The following ZNF804B variants were observed in gnomAD, a reference collection of about 807,000 sequenced individuals.
ZNF804B encodes the protein zinc finger protein 804B.
ZNF804B carries 80 observed loss-of-function variants against 101.4 expected under a neutral mutation model. The observed-to-expected ratio is 0.79, with a 90% CI of 0.66 to 0.95. The LOEUF (loss-of-function observed/expected upper bound fraction) is 0.95. Among genes scored for constraint, ZNF804B ranks in the 40% least tolerant of loss-of-function variants. ZNF804B has a pLI of 0.00. For synonymous variants in ZNF804B, 622 were observed against 558.8 expected, an observed-to-expected ratio of 1.11 and a Z score of -1.59; for missense variants, 1,673 against 1,561.9, an observed-to-expected ratio of 1.07 and a Z score of -1.20.
At chr7:89,026,380 T>G (rs1788751720) in intron 1 of ZNF804B, among the ~76,000 whole-genome samples, 1 of 152,174 alleles carries the variant, frequency 6.6e-6, no homozygotes, top group African/African-American at 2.4e-5. Context: ...GGACACGGTT[T>G]TGCTAAAGCA....
chr7:89,321,579 A>T (rs1033203878), intron 2 of ZNF804B, among the ~76,000 whole-genome samples: 2 of 152,132 alleles, frequency 1.3e-5, no homozygotes, highest in African/African-American at 4.8e-5. Flanking sequence ...AATAGAAAAG[A>T]TAAAACAGAA....
intron 1 of ZNF804B, among the ~76,000 whole-genome samples, chr7:88,992,676 T>G (rs547831308): frequency 2.0e-5 from 3 of 152,286 alleles, no homozygotes; most frequent in African/African-American, 7.2e-5. Context: ...TTAGTAACTT[T>G]AAGTACATCT....
intron 2 of ZNF804B, among the ~76,000 whole-genome samples, chr7:89,276,583 T>G (rs1348196265): frequency 6.6e-6 from 1 of 151,936 alleles, no homozygotes; most frequent in Non-Finnish European, 1.5e-5. Context: ...AAATGCTATT[T>G]TATGCATGTT....
intron 1 of ZNF804B, among the ~76,000 whole-genome samples, chr7:88,931,113 C>T (rs10267374): frequency 0.17 from 26,186 of 151,722 alleles, 2,528 homozygotes; most frequent in South Asian, 0.24. Context: ...GTTTCATTGA[C>T]GTTCTTGCAA....
chr7:88,840,458 T>A (rs1013522599), intron 1 of ZNF804B, among the ~76,000 whole-genome samples: 1 of 152,142 alleles, frequency 6.6e-6, no homozygotes, highest in African/African-American at 2.4e-5. Context: ...AAGAATGCCA[T>A]GAATTTTATT....
intron 1 of ZNF804B, among the ~76,000 whole-genome samples, chr7:89,130,707 A>G (rs1290800112): frequency 1.3e-5 from 2 of 152,052 alleles, no homozygotes; most frequent in East Asian, 1.9e-4. Context: ...GAACATTTTT[A>G]ATAAGAATGA....
At chr7:88,859,144 A>G (rs1791613196) in intron 1 of ZNF804B, among the ~76,000 whole-genome samples, 1 of 152,012 alleles carries the variant, frequency 6.6e-6, no homozygotes, top group Admixed American at 6.6e-5. Flanking sequence ...AATCAAATGA[A>G]TAAGAATGAG....
At chr7:88,863,821 C>G (rs914255607) in intron 1 of ZNF804B, among the ~76,000 whole-genome samples, 4 of 152,140 alleles carry the variant, frequency 2.6e-5, no homozygotes, top group African/African-American at 9.7e-5. Flanking sequence ...GAGGCAGAAA[C>G]AAGCATGGCA....
chr7:89,286,147 G>T (rs1183817630), intron 2 of ZNF804B, among the ~76,000 whole-genome samples: 2 of 152,120 alleles, frequency 1.3e-5, no homozygotes, highest in Non-Finnish European at 2.9e-5. Flanking sequence ...AAGGTGTTGA[G>T]GTGGTCTGCT....
chr7:89,287,289 T>C (rs1264619413), intron 2 of ZNF804B, among the ~76,000 whole-genome samples: 1 of 152,122 alleles, frequency 6.6e-6, no homozygotes, highest in Non-Finnish European at 1.5e-5. Context: ...CATTTTTCCA[T>C]GGCCAACTAT....
At chr7:88,785,997 G>A (rs192453298) in intron 1 of ZNF804B, among the ~76,000 whole-genome samples, 1 of 152,046 alleles carries the variant, frequency 6.6e-6, no homozygotes, top group Non-Finnish European at 1.5e-5. Context: ...TATGTCTGGG[G>A]TGAAGGGAGA....
At chr7:88,819,772 G>A (rs56209314) in intron 1 of ZNF804B, among the ~76,000 whole-genome samples, 25,079 of 151,992 alleles carry the variant, frequency 0.17, 2,538 homozygotes, top group East Asian at 0.44. Flanking sequence ...CAGTTTCATT[G>A]TTTTCCAAAA....
chr7:88,980,484 G>A (rs1051742252), intron 1 of ZNF804B, among the ~76,000 whole-genome samples: 13 of 152,008 alleles, frequency 8.6e-5, no homozygotes, highest in Admixed American at 7.2e-4. Context: ...ATTAATTGTT[G>A]TGATCTAAGT....
intron 1 of ZNF804B, among the ~76,000 whole-genome samples, chr7:89,094,590 CA>C (rs1789943220): frequency 1.3e-5 from 2 of 152,038 alleles, no homozygotes; most frequent in Admixed American, 6.6e-5. Context: ...CGCTGAGATG[CA>C]GTAGTTTTCC....
chr7:89,078,461 T>G (rs1433471137), intron 1 of ZNF804B, among the ~76,000 whole-genome samples: 1 of 89,588 alleles, frequency 1.1e-5, no homozygotes, highest in South Asian at 3.7e-4. Context: ...AAAATAAAAT[T>G]CTTCTTCATT....
chr7:88,964,787 C>T (rs1305250846), intron 1 of ZNF804B, among the ~76,000 whole-genome samples: 2 of 151,436 alleles, frequency 1.3e-5, no homozygotes, highest in African/African-American at 4.8e-5. Context: ...GCTTTCTGTA[C>T]TACTGTGGGA....
At chr7:88,895,047 G>A in intron 1 of ZNF804B, among the ~76,000 whole-genome samples, 1 of 152,158 alleles carries the variant, frequency 6.6e-6, no homozygotes, top group Non-Finnish European at 1.5e-5. Context: ...CTATTAAAAT[G>A]TATAAAACAA....
At chr7:89,134,741 A>T (rs2116384393) in intron 1 of ZNF804B, among the ~76,000 whole-genome samples, 1 of 152,150 alleles carries the variant, frequency 6.6e-6, no homozygotes, top group East Asian at 1.9e-4. Context: ...TTCTTTGTAG[A>T]ACAACTTAAC....
At chr7:89,116,425 T>C (rs375162177) in intron 1 of ZNF804B, among the ~76,000 whole-genome samples, 4 of 152,116 alleles carry the variant, frequency 2.6e-5, no homozygotes, top group African/African-American at 9.7e-5. Flanking sequence ...TTTGAAAGAG[T>C]GGGTCTCCAT....
Sources: allele counts gnomAD v4.1 joint callset (sites outside exome capture counted in the v4.1 genomes callset), GRCh38; gene constraint gnomAD v4.1.1; transcripts MANE v1.5; gene names NCBI Gene and HGNC (gene_info 2026-07-23, HGNC 2026-07-21).